RTN4: variants seen among roughly 807,000 people sequenced by gnomAD.
RTN4 encodes reticulon 4, also known as reticulon-4.
Under a neutral mutation model 90.4 loss-of-function variants are expected in RTN4, and 32 were observed. The observed-to-expected ratio is 0.35, with a 90% CI of 0.27 to 0.48. The LOEUF (loss-of-function observed/expected upper bound fraction) is 0.48, where lower values mean the gene tolerates loss of function less well. Among genes scored for constraint, RTN4 ranks in the 20% least tolerant of loss-of-function variants. RTN4 has a pLI of 0.99. For missense variants in RTN4, 1,706 were observed against 1,430.2 expected, an observed-to-expected ratio of 1.19 and a Z score of -3.11; for synonymous variants, 629 against 552.5, an observed-to-expected ratio of 1.14 and a Z score of -1.94.
chr2:55,015,859 T>C (rs74770686), intron 3 of RTN4, among the ~76,000 whole-genome samples: 2,553 of 152,306 alleles, frequency 0.017, 72 homozygotes, highest in African/African-American at 0.057. Context: ...ATAAGCAATA[T>C]GAATTGTTGG....
intron 3 of RTN4, among the ~76,000 whole-genome samples, chr2:54,992,668 G>A (rs1187895009): frequency 6.6e-6 from 1 of 151,238 alleles, no homozygotes; most frequent in Non-Finnish European, 1.5e-5. Flanking sequence ...GAAATGTGTA[G>A]CCATTAAAAA....
chr2:55,030,088 C>A (rs1408915515), intron 1 of RTN4, among the ~76,000 whole-genome samples: 2 of 152,028 alleles, frequency 1.3e-5, no homozygotes, highest in African/African-American at 4.8e-5. Context: ...TAGTTAAAAG[C>A]CACTAATTCA....
Position 55,025,366 on chromosome 2 carries a change from A to C in RTN4, c.2733T>G (p.Pro911=). ...ANAPDGAGSL[P]CTELPHDLSL... ...AAAGGTCATGGGGCAATTCTGTGCA[A>C]GGCAATGACCCAGCTCCATCCGGGG... Residue 911 remains proline (P), a synonymous_variant, in exon 3 of 9, where the codon CCT becomes CCG. Transcript: ENST00000337526. 2 of 1,613,982 alleles carry C rather than the reference A, an allele frequency of 1.2e-6. No homozygotes were observed. Among genetic ancestry groups the C allele is most frequent in the Non-Finnish European group, 1.7e-6 (2 of 1,179,906 alleles).
At chr2:55,051,679 T>C (rs928787693), upstream of RTN4, among the ~76,000 whole-genome samples, 3 of 152,230 alleles carry the variant, frequency 2.0e-5, no homozygotes, top group Non-Finnish European at 2.9e-5. Flanking sequence ...TGGCTACTGA[T>C]TGAACACTCG....
chr2:55,131,920 TTC>T, the RTN4 span, among the ~76,000 whole-genome samples: 4 of 152,130 alleles, frequency 2.6e-5, no homozygotes, highest in Non-Finnish European at 5.9e-5. Context: ...TATTACATAT[TTC>T]TTTTTTTATT....
chr2:55,033,316 T>C (rs1682456812), intron 1 of RTN4, among the ~76,000 whole-genome samples: 1 of 152,206 alleles, frequency 6.6e-6, no homozygotes, highest in South Asian at 2.1e-4. Flanking sequence ...TTTAAAGTTA[T>C]GAAAAAACTG....
intron 1 of RTN4, among the ~76,000 whole-genome samples, chr2:55,095,605 C>G (rs1027132829): frequency 6.6e-6 from 1 of 152,046 alleles, no homozygotes; most frequent in African/African-American, 2.4e-5. Context: ...CCTTGACCTC[C>G]CAGGGTCAAG....
chr2:54,974,620 C>T (rs1380329201), intron 6 of RTN4, 75 bp downstream of exon 6: 5 of 1,170,782 alleles, frequency 4.3e-6, no homozygotes, highest in Non-Finnish European at 6.4e-6. Flanking sequence ...TGAGAATATT[C>T]TCCACTAAAA....
chr2:55,018,767 T>C (rs1295083199), intron 3 of RTN4, among the ~76,000 whole-genome samples: 5 of 151,516 alleles, frequency 3.3e-5, no homozygotes, highest in Non-Finnish European at 5.9e-5. Context: ...TATGTTTATT[T>C]TTATGTATGT....
chr2:55,124,726 A>G, the RTN4 span, among the ~76,000 whole-genome samples: 1 of 152,234 alleles, frequency 6.6e-6, no homozygotes. Context: ...TAAAATTTAT[A>G]TGGAACAAAA....
chr2:55,015,948 A>T (rs527394029), intron 3 of RTN4, among the ~76,000 whole-genome samples: 1 of 152,356 alleles, frequency 6.6e-6, no homozygotes, highest in South Asian at 2.1e-4. Context: ...GCCAATTTTT[A>T]TACAAACCCT....
intron 8 of RTN4, 155 bp downstream of exon 8, chr2:54,973,408 C>A: frequency 2.6e-6 from 2 of 779,324 alleles, no homozygotes; most frequent in South Asian, 3.4e-5. Context: ...AACGAATGGT[C>A]CAAATGTTAG....
At chr2:55,085,251 G>A (rs1372018383) in intron 1 of RTN4, among the ~76,000 whole-genome samples, 1 of 152,158 alleles carries the variant, frequency 6.6e-6, no homozygotes, top group Admixed American at 6.6e-5. Context: ...TGTTTCTCTG[G>A]AGAACCCAAA....
chr2:54,993,226 C>T (rs1220425475), intron 3 of RTN4, among the ~76,000 whole-genome samples: 5 of 151,914 alleles, frequency 3.3e-5, no homozygotes, highest in Non-Finnish European at 7.4e-5. Flanking sequence ...TGAAATGGTC[C>T]CACTCTAATG....
intron 4 of RTN4, 126 bp downstream of exon 4, chr2:54,987,365 C>G: frequency 2.6e-6 from 2 of 761,586 alleles, no homozygotes; most frequent in Non-Finnish European, 4.4e-6. Context: ...ATAGCTCAAG[C>G]AAATAACTGC....
intron 1 of RTN4, among the ~76,000 whole-genome samples, chr2:55,106,887 A>C (rs1301570274): frequency 6.6e-6 from 1 of 152,228 alleles, no homozygotes; most frequent in Non-Finnish European, 1.5e-5. Flanking sequence ...GTTTAAAGAA[A>C]GTGAACCAAA....
At chr2:55,003,531 A>G (rs1260097769) in intron 3 of RTN4, among the ~76,000 whole-genome samples, 1 of 152,216 alleles carries the variant, frequency 6.6e-6, no homozygotes, top group Non-Finnish European at 1.5e-5. Context: ...ATAAATAAGT[A>G]TAAATGTGGT....
chr2:55,064,643 G>A (rs79452997), intron 2 of RTN4, among the ~76,000 whole-genome samples: 14,115 of 152,102 alleles, frequency 0.093, 811 homozygotes, highest in South Asian at 0.19. Flanking sequence ...GAGCCAATGC[G>A]CCAGGCCTAC....
intron 1 of RTN4, among the ~76,000 whole-genome samples, chr2:55,093,826 T>C (rs983274642): frequency 2.6e-5 from 4 of 152,212 alleles, no homozygotes; most frequent in African/African-American, 7.2e-5. Flanking sequence ...ATGCATTTCA[T>C]TTAGCTATGC....
Sources: gnomAD v4.1 joint callset for allele counts (sites outside exome capture counted in the v4.1 genomes callset) on GRCh38, gnomAD v4.1.1 for gene constraint, MANE v1.5 for transcripts, NCBI Gene and HGNC (gene_info 2026-07-23, HGNC 2026-07-21) for gene names.